CALN1: variants seen among roughly 807,000 people sequenced by gnomAD.
CALN1 encodes calcium-binding protein 8.
In CALN1, 17 loss-of-function variants were observed where a neutral mutation model predicts 30.6. The observed-to-expected ratio is 0.56, with a 90% CI of 0.38 to 0.83. CALN1 has a LOEUF of 0.83. Among genes scored for constraint, CALN1 ranks in the 40% least tolerant of loss-of-function variants. The pLI, the probability that CALN1 is intolerant of heterozygous loss-of-function variation, is 0.00. For missense variants in CALN1, 291 were observed against 354.9 expected, an observed-to-expected ratio of 0.82 and a Z score of 1.45; for synonymous variants, 156 against 131.4, an observed-to-expected ratio of 1.19 and a Z score of -1.28.
chr7:72,063,550 A>C (rs1803810583), intron 4 of CALN1, among the ~76,000 whole-genome samples: 1 of 152,232 alleles, frequency 6.6e-6, no homozygotes, highest in African/African-American at 2.4e-5. Context: ...TTCACCAGCC[A>C]AGAGCTCATC....
intron 1 of CALN1, among the ~76,000 whole-genome samples, chr7:72,429,345 C>T (rs1807899889): frequency 6.6e-6 from 1 of 152,142 alleles, no homozygotes; most frequent in South Asian, 2.1e-4. Flanking sequence ...GCAACATCTC[C>T]AGCACCTAGA....
At chr7:71,821,575 C>T (rs1788592307) in intron 5 of CALN1, among the ~76,000 whole-genome samples, 1 of 152,138 alleles carries the variant, frequency 6.6e-6, no homozygotes, top group African/African-American at 2.4e-5. Flanking sequence ...CTATTATCTC[C>T]CACTAGGTCC....
At chr7:72,489,484 C>G in the CALN1 span, among the ~76,000 whole-genome samples, 1 of 152,098 alleles carries the variant, frequency 6.6e-6, no homozygotes, top group African/African-American at 2.4e-5. Flanking sequence ...AGTCTAATCT[C>G]GAGAAAGAGT....
the CALN1 span, among the ~76,000 whole-genome samples, chr7:72,482,896 C>T: frequency 6.6e-6 from 1 of 152,016 alleles, no homozygotes; most frequent in Non-Finnish European, 1.5e-5. Context: ...TGCAGATATG[C>T]TTTTTGATTA....
At position 72,360,283 on chromosome 7, in the gene CALN1, A is replaced by G. The variant is rs867465269; in HGVS notation, c.119+42968T>C. Among the ~76,000 whole-genome samples, 62 of 152,282 alleles carry G rather than the reference A, an allele frequency of 4.1e-4. 1 individual carries two copies. Among genetic ancestry groups the G allele is most frequent in the Middle Eastern group, 6.8e-3 (2 of 294 alleles). ...ATATCTGCTAAATATTTAATGGTGA[A>G]GTCTGTTGTGATGTTTTCCATTTAT... On this transcript the variant is annotated intron_variant, in intron 2 of 6. Coordinates refer to ENST00000395275, the MANE Select transcript of CALN1 (RefSeq NM_031468.4).
chr7:72,041,037 T>C (rs975006192), intron 4 of CALN1, among the ~76,000 whole-genome samples: 1 of 152,174 alleles, frequency 6.6e-6, no homozygotes, highest in South Asian at 2.1e-4. Context: ...CATGTACTTC[T>C]AGGAGGAAAA....
intron 4 of CALN1, among the ~76,000 whole-genome samples, 177 bp downstream of exon 4, chr7:72,105,974 C>T (rs10248170): frequency 0.25 from 37,388 of 152,012 alleles, 5,497 homozygotes; most frequent in East Asian, 0.69. Flanking sequence ...ACCATCTCTA[C>T]AGGCCCCTAG....
At chr7:71,842,737 G>A (rs1790006728) in intron 5 of CALN1, among the ~76,000 whole-genome samples, 1 of 152,040 alleles carries the variant, frequency 6.6e-6, no homozygotes, top group East Asian at 1.9e-4. Context: ...AGCTTGCCTG[G>A]CTTTGAACCC....
chr7:72,100,486 T>A (rs1000905808), intron 4 of CALN1, among the ~76,000 whole-genome samples: 1 of 151,958 alleles, frequency 6.6e-6, no homozygotes, highest in African/African-American at 2.4e-5. Context: ...CCCAGCAAGA[T>A]CCTTAAATCT....
rs535440726 is a variant in CALN1 at position 71,963,194 on chromosome 7, G to A, written c.501+60463C>T. ...ATTATTATTTTTGAGACAGAGTCTT[G>A]CTCTGTCACCCAGGCTGGAGTGCGG... On this transcript the variant is annotated intron_variant, in intron 5 of 6. Transcript: ENST00000395275. Among the ~76,000 whole-genome samples the A allele has an allele frequency of 7.6e-4, 116 of 152,122 alleles. 1 individual carries two copies. Among genetic ancestry groups the A allele is most frequent in the African/African-American group, 2.7e-3 (112 of 41,514 alleles).
intron 6 of CALN1, among the ~76,000 whole-genome samples, chr7:71,797,154 C>G (rs906605666): frequency 6.6e-6 from 1 of 152,176 alleles, no homozygotes; most frequent in African/African-American, 2.4e-5. Context: ...TGCATGTTTT[C>G]AGAGACACCG....
In CALN1 at chr7:72,340,088, TCTAA is replaced by T. The variant is rs545316687; in HGVS notation, c.120-61282_120-61279del. Reference sequence around the variant, plus strand: ...GATGAGAGGGAACTGAGGACTAAACTCTAACTGTGGTTCTTGTTCTAAATTTCTT... The same window carrying T: ...GATGAGAGGGAACTGAGGACTAAACTCTGTGGTTCTTGTTCTAAATTTCTT... On this transcript the variant is annotated intron_variant, in intron 2 of 6. Coordinates refer to ENST00000395275, the MANE Select transcript of CALN1 (RefSeq NM_031468.4). Among the ~76,000 whole-genome samples, 11 of 152,342 alleles carry T rather than the reference TCTAA, an allele frequency of 7.2e-5. No individual in the cohort carries two copies. In the East Asian group the frequency reaches 2.1e-3, roughly 29 times the overall value.
chr7:72,115,443 T>TGTTCAG (rs1176712522), intron 3 of CALN1, among the ~76,000 whole-genome samples: 2 of 149,924 alleles, frequency 1.3e-5, no homozygotes, highest in Non-Finnish European at 3.0e-5. Flanking sequence ...CACTGTTAAG[T>TGTTCAG]GTTCAGTTCA....
At chr7:72,294,785 G>T (rs1338842527) in intron 2 of CALN1, among the ~76,000 whole-genome samples, 1 of 110,220 alleles carries the variant, frequency 9.1e-6, no homozygotes, top group African/African-American at 4.5e-5. Flanking sequence ...AATAAATACA[G>T]ATTTTTAAAA....
chr7:72,216,177 G>A (rs1016439525), intron 3 of CALN1, among the ~76,000 whole-genome samples: 1 of 152,028 alleles, frequency 6.6e-6, no homozygotes, highest in African/African-American at 2.4e-5. Context: ...TGCATTAGGA[G>A]GCTGATGGGG....
chr7:71,947,904 C>A (rs1319249), intron 5 of CALN1, among the ~76,000 whole-genome samples: 1 of 149,474 alleles, frequency 6.7e-6, no homozygotes, highest in South Asian at 2.1e-4. Context: ...CACTGCACTC[C>A]AGCCTGGGCG....
intron 1 of CALN1, among the ~76,000 whole-genome samples, chr7:72,437,824 C>T (rs1156438817): frequency 7.2e-6 from 1 of 138,960 alleles, no homozygotes; most frequent in Non-Finnish European, 1.5e-5. Context: ...TCTTTCCTTC[C>T]TTCCTCCCTC....
At chr7:72,345,408 AAGAAG>A (rs1562909421) in intron 2 of CALN1, among the ~76,000 whole-genome samples, 1 of 5,038 alleles carries the variant, frequency 2.0e-4, no homozygotes, top group East Asian at 0.012. Flanking sequence ...GAAGGAAAGA[AAGAAG>A]AGAAAGGAAA....
intron 5 of CALN1, among the ~76,000 whole-genome samples, chr7:71,818,426 G>A (rs1788391263): frequency 6.6e-6 from 1 of 152,194 alleles, no homozygotes; most frequent in Non-Finnish European, 1.5e-5. Context: ...GAGTAGCCAG[G>A]AGAAGGTGGG....
Sources: allele counts gnomAD v4.1 joint callset (sites outside exome capture counted in the v4.1 genomes callset), GRCh38; gene constraint gnomAD v4.1.1; transcripts MANE v1.5; gene names NCBI Gene and HGNC (gene_info 2026-07-23, HGNC 2026-07-21).